MAP4K4: variants seen among roughly 807,000 people sequenced by gnomAD.
The protein encoded by MAP4K4 is mitogen-activated protein kinase kinase kinase kinase 4, also known as HPK/GCK-like kinase HGK.
MAP4K4 carries 38 observed loss-of-function variants against 189.6 expected under a neutral mutation model. That is an observed-to-expected ratio of 0.20 (90% CI 0.15 to 0.26). The LOEUF (loss-of-function observed/expected upper bound fraction) is 0.26, where lower values mean the gene tolerates loss of function less well. MAP4K4 is among the 10% of genes least tolerant of loss of function. MAP4K4 has a pLI of 1.00. For synonymous variants in MAP4K4, 610 were observed against 624.3 expected (o/e 0.98, Z 0.34); for missense variants, 1,054 against 1,726.9 (o/e 0.61, Z 6.91).
At chr2:101,860,916 G>T (rs371929766) in exon 16 of MAP4K4, 16 of 1,607,046 alleles carry the variant, frequency 1.0e-5, no homozygotes, top group Middle Eastern at 1.7e-4. Flanking sequence ...GTGCCTTCCC[G>T]ATCAGAGTCT....
intron 26 of MAP4K4, among the ~76,000 whole-genome samples, chr2:101,876,017 G>C (rs1443001772): frequency 6.6e-6 from 1 of 152,216 alleles, no homozygotes; most frequent in East Asian, 1.9e-4. Context: ...TTAAAAGGTT[G>C]CCAAAGGCTG....
intron 13 of MAP4K4, among the ~76,000 whole-genome samples, chr2:101,856,610 T>G (rs2097475846): frequency 6.6e-6 from 1 of 152,190 alleles, no homozygotes; most frequent in Non-Finnish European, 1.5e-5. Flanking sequence ...ACACAGCACA[T>G]TAAAAAAACT....
intron 2 of MAP4K4, among the ~76,000 whole-genome samples, chr2:101,772,408 A>G (rs1237691300): frequency 6.6e-6 from 1 of 152,260 alleles, no homozygotes; most frequent in African/African-American, 2.4e-5. Flanking sequence ...TGATCTAAGT[A>G]ACAGCTTAGG....
At chr2:101,828,839 T>G (rs540213569) in intron 5 of MAP4K4, among the ~76,000 whole-genome samples, 1 of 152,344 alleles carries the variant, frequency 6.6e-6, no homozygotes, top group South Asian at 2.1e-4. Flanking sequence ...AACATGTGTT[T>G]TTGTTCTTCC....
intron 6 of MAP4K4, among the ~76,000 whole-genome samples, chr2:101,830,331 TA>T (rs2096558349): frequency 6.6e-6 from 1 of 152,208 alleles, no homozygotes. Context: ...CGTGGTTAGA[TA>T]ATTACAGCCC....
At chr2:101,797,829 T>C (rs1397827476) in intron 3 of MAP4K4, among the ~76,000 whole-genome samples, 2 of 151,490 alleles carry the variant, frequency 1.3e-5, no homozygotes, top group Non-Finnish European at 2.9e-5. Flanking sequence ...AGCAGTTTTT[T>C]TCAACCTTCC....
chr2:101,737,458 T>A (rs1203076458), intron 2 of MAP4K4, among the ~76,000 whole-genome samples: 2 of 34,754 alleles, frequency 5.8e-5, no homozygotes, highest in Admixed American at 4.3e-4. Flanking sequence ...TATATATATA[T>A]ATATTTTTTT....
chr2:101,797,889 G>GTGGTTTT (rs1553478618), intron 3 of MAP4K4, among the ~76,000 whole-genome samples: 1 of 52,306 alleles, frequency 1.9e-5, no homozygotes, highest in Non-Finnish European at 3.3e-5. Flanking sequence ...CATTCTTTTA[G>GTGGTTTT]TTTTTTTTTT....
At chr2:101,798,878 C>T (rs903552021) in intron 3 of MAP4K4, among the ~76,000 whole-genome samples, 9 of 152,154 alleles carry the variant, frequency 5.9e-5, no homozygotes, top group African/African-American at 2.2e-4. Context: ...CAAATATTTA[C>T]ATTTTAGATG....
At chr2:101,815,510 G>C (rs1031113107) in intron 3 of MAP4K4, among the ~76,000 whole-genome samples, 1 of 152,000 alleles carries the variant, frequency 6.6e-6, no homozygotes, top group Middle Eastern at 3.4e-3. Flanking sequence ...GTTAGTTTCA[G>C]ATAATTTTCT....
chr2:101,832,101 G>T (rs1331646657), intron 7 of MAP4K4, among the ~76,000 whole-genome samples: 1 of 152,168 alleles, frequency 6.6e-6, no homozygotes, highest in Non-Finnish European at 1.5e-5. Context: ...GCACTTTGTT[G>T]TGCCTAGAAC....
intron 3 of MAP4K4, among the ~76,000 whole-genome samples, chr2:101,815,611 T>C (rs1023127525): frequency 2.0e-5 from 3 of 152,338 alleles, no homozygotes; most frequent in East Asian, 3.9e-4. Flanking sequence ...TTTTACCTTA[T>C]TGGGTACTGG....
chr2:101,859,919 C>T, intron 15 of MAP4K4, 55 bp downstream of exon 15: 1 of 1,481,776 alleles, frequency 6.7e-7, no homozygotes. Flanking sequence ...TATAACGACT[C>T]TTCAGAACTG....
At position 101,746,110 on chromosome 2, in the gene MAP4K4, C is replaced by T. The variant is rs149751745; in HGVS notation, c.124-44610C>T. ...GGCTCAAGTGATCTCCCACTTCACC[C>T]TCCTGGGTAGTTGGGACCGCAGGTG... On this transcript the variant is annotated intron_variant, in intron 2 of 32. Transcript: ENST00000324219. Among the ~76,000 whole-genome samples, 193 of 152,016 alleles carry T rather than the reference C, an allele frequency of 1.3e-3. 1 individual carries two copies. Among genetic ancestry groups the T allele is most frequent in the African/African-American group, 4.5e-3 (188 of 41,390 alleles).
At chr2:101,713,409 A>G (rs991149956) in intron 2 of MAP4K4, among the ~76,000 whole-genome samples, 2 of 147,164 alleles carry the variant, frequency 1.4e-5, no homozygotes, top group African/African-American at 2.5e-5. Flanking sequence ...AGGCTGGCCA[A>G]ATGGTGAAAC....
chr2:101,797,108 G>T, intron 3 of MAP4K4: 2 of 702,014 alleles, frequency 2.8e-6, no homozygotes, highest in South Asian at 1.8e-5. Flanking sequence ...ATATAACACT[G>T]AACAATTTTA....
chr2:101,826,337 TC>T (rs1011537998), intron 5 of MAP4K4, among the ~76,000 whole-genome samples: 1 of 152,170 alleles, frequency 6.6e-6, no homozygotes, highest in African/African-American at 2.4e-5. Context: ...CATCTAGACT[TC>T]CTAGAGAAAT....
At chr2:101,767,534 T>A (rs1164188210) in intron 2 of MAP4K4, among the ~76,000 whole-genome samples, 1 of 152,232 alleles carries the variant, frequency 6.6e-6, no homozygotes, top group Non-Finnish European at 1.5e-5. Flanking sequence ...TTGTTTGCAC[T>A]GTGATCTATT....
At chr2:101,783,377 T>A (rs1194653814) in intron 2 of MAP4K4, among the ~76,000 whole-genome samples, 1 of 152,178 alleles carries the variant, frequency 6.6e-6, no homozygotes, top group Admixed American at 6.5e-5. Flanking sequence ...GTTGCATATA[T>A]AATTGTAATA....
Sources: gnomAD v4.1 joint callset for allele counts (sites outside exome capture counted in the v4.1 genomes callset) on GRCh38, gnomAD v4.1.1 for gene constraint, MANE v1.5 for transcripts, NCBI Gene and HGNC (gene_info 2026-07-23, HGNC 2026-07-21) for gene names.